The following SLC16A2 variants were observed in gnomAD, a reference collection of about 807,000 sequenced individuals.
SLC16A2 encodes the protein solute carrier family 16 member 2.
SLC16A2 carries 3 observed loss-of-function variants against 27.2 expected under a neutral mutation model. The observed-to-expected ratio is 0.11, with a 90% CI of 0.05 to 0.28. SLC16A2 has a LOEUF of 0.28. SLC16A2 is among the 10% of genes least tolerant of loss of function. The pLI is 1.00. For synonymous variants in SLC16A2, 202 were observed against 187.8 expected (o/e 1.08, Z -0.62); for missense variants, 295 against 458.5 (o/e 0.64, Z 3.26).
chrX:74,530,697 T>C (rs895366850), intron 5 of SLC16A2, among the ~76,000 whole-genome samples: 1 of 111,540 alleles, frequency 9.0e-6, no homozygotes, highest in Non-Finnish European at 1.9e-5. Context: ...AGGGCCTTTT[T>C]GCCTTTTCTG....
chrX:74,511,190 AT>A (rs373216154), intron 1 of SLC16A2, among the ~76,000 whole-genome samples: 4 of 108,926 alleles, frequency 3.7e-5, no homozygotes, highest in East Asian at 2.9e-4. Flanking sequence ...TATTTATTTT[AT>A]TTTTTTTTGA....
At chrX:74,423,685 C>G (rs1453718694) in intron 1 of SLC16A2, among the ~76,000 whole-genome samples, 2 of 112,011 alleles carry the variant, frequency 1.8e-5, no homozygotes, top group Non-Finnish European at 3.8e-5. Flanking sequence ...CCACAGTCAC[C>G]CCTGGGACCA....
intron 1 of SLC16A2, among the ~76,000 whole-genome samples, chrX:74,442,932 G>A (rs1928779217): frequency 8.9e-6 from 1 of 111,965 alleles, no homozygotes; most frequent in African/African-American, 3.2e-5. Flanking sequence ...ACTCCATCCT[G>A]GGCAATAGAG....
At chrX:74,520,599 G>T (rs928978987) in intron 1 of SLC16A2, among the ~76,000 whole-genome samples, 5 of 111,676 alleles carry the variant, frequency 4.5e-5, no homozygotes, top group African/African-American at 1.6e-4. Flanking sequence ...GGGGGCTTTT[G>T]TCTGTGGCCT....
In SLC16A2 at chrX:74,467,494, A is replaced by G. The variant is rs72630716; in HGVS notation, c.430+45427A>G. 3.0e-3 allele frequency among the ~76,000 whole-genome samples: 335 copies of G among 111,629 alleles called. 5 individuals carry two copies. In the East Asian group the frequency reaches 0.043, roughly 14 times the overall value. Reference sequence around the variant, plus strand: ...TTGTAGGCCCCTAGCACTCCCGCCCAAAGTATGTCTCAGAAACAGAAATGG... The same window carrying G: ...TTGTAGGCCCCTAGCACTCCCGCCCGAAGTATGTCTCAGAAACAGAAATGG... On this transcript the variant is annotated intron_variant, in intron 1 of 5. Transcript: ENST00000587091.
intron 1 of SLC16A2, among the ~76,000 whole-genome samples, chrX:74,497,585 T>G (rs940466235): frequency 9.2e-6 from 1 of 109,072 alleles, no homozygotes; most frequent in African/African-American, 3.3e-5. Flanking sequence ...AAATTGCATA[T>G]TGAAACTGGG....
intron 1 of SLC16A2, among the ~76,000 whole-genome samples, chrX:74,478,856 G>A (rs943545118): frequency 4.5e-5 from 5 of 112,110 alleles, no homozygotes; most frequent in Non-Finnish European, 9.4e-5. Flanking sequence ...TAGATCTGCT[G>A]TTAGTCTGAT....
intron 1 of SLC16A2, among the ~76,000 whole-genome samples, chrX:74,482,730 C>T (rs1929644976): frequency 9.1e-6 from 1 of 110,193 alleles, no homozygotes; most frequent in Non-Finnish European, 1.9e-5. Context: ...CAGGGTCTCT[C>T]TAGGTCACCC....
At chrX:74,519,459 G>T (rs1172061143) in intron 1 of SLC16A2, among the ~76,000 whole-genome samples, 1 of 102,979 alleles carries the variant, frequency 9.7e-6, no homozygotes, top group Non-Finnish European at 2.0e-5. Context: ...TTACAGGCGT[G>T]AGCCACCACG....
Position 74,421,818 on chromosome X carries a change from C to T in SLC16A2, c.181C>T (p.Pro61Ser). The change falls in exon 1 of 6, where the codon CCC becomes TCC. Residue 61 changes from proline to serine, a missense_variant. Around this residue, in one of 3 missense-constraint regions of SLC16A2, gnomAD observed 92 missense variants for 85.1 expected, o/e 1.08. Coordinates refer to ENST00000587091, the MANE Select transcript of SLC16A2 (RefSeq NM_006517.5). ...GCCGGAGCCCCAGCCCCTACCGGAC[C>T]CCGCACCCCTGCCGGAGCTGGAGTT... ...PQPEPQPLPD[P>S]APLPELEFES... is the part of the protein sequence containing the mutation. The T allele has an allele frequency of 8.5e-7, 1 of 1,180,320 alleles. No individual in the cohort carries two copies.
At chrX:74,487,001 C>G (rs1929733164) in intron 1 of SLC16A2, among the ~76,000 whole-genome samples, 1 of 112,110 alleles carries the variant, frequency 8.9e-6, no homozygotes, top group South Asian at 3.7e-4. Context: ...AATCATGCTA[C>G]TACGTTACAT....
chrX:74,501,596 C>T (rs375053459), intron 1 of SLC16A2, among the ~76,000 whole-genome samples: 3 of 111,325 alleles, frequency 2.7e-5, no homozygotes, highest in East Asian at 2.8e-4. Context: ...GTGGGCCCCC[C>T]CTCTGCTCCA....
intron 5 of SLC16A2, among the ~76,000 whole-genome samples, chrX:74,530,588 T>C (rs1459570155): frequency 4.5e-5 from 5 of 111,924 alleles, no homozygotes; most frequent in Admixed American, 9.5e-5. Context: ...ACACTACCCA[T>C]TGGGGGAAGG....
intron 1 of SLC16A2, among the ~76,000 whole-genome samples, chrX:74,464,718 T>C (rs1187979788): frequency 9.0e-6 from 1 of 111,261 alleles, no homozygotes; most frequent in Non-Finnish European, 1.9e-5. Context: ...CCCTAAAATA[T>C]TCAGTTTCAG....
intron 1 of SLC16A2, among the ~76,000 whole-genome samples, chrX:74,426,501 T>G (rs1043927901): frequency 1.8e-5 from 2 of 111,700 alleles, no homozygotes; most frequent in African/African-American, 6.5e-5. Flanking sequence ...ATTCTAAGTC[T>G]AAAAAAGCAA....
intron 2 of SLC16A2, among the ~76,000 whole-genome samples, chrX:74,523,507 T>C (rs1445084018): frequency 8.9e-6 from 1 of 112,281 alleles, no homozygotes; most frequent in Non-Finnish European, 1.9e-5. Flanking sequence ...CTGGCCAAGC[T>C]GACCTTCCTA....
intron 5 of SLC16A2, among the ~76,000 whole-genome samples, chrX:74,530,090 CTTTTTTTTTT>C (rs748919451): frequency 8.8e-5 from 6 of 67,928 alleles, no homozygotes; most frequent in Non-Finnish European, 1.5e-4. Context: ...TTTCTTTTCT[CTTTTTTTTTT>C]TTTTTTTTTT....
intron 1 of SLC16A2, among the ~76,000 whole-genome samples, chrX:74,444,224 T>C (rs879096278): frequency 2.7e-5 from 3 of 111,811 alleles, no homozygotes; most frequent in Non-Finnish European, 5.6e-5. Flanking sequence ...ATCCTCATGC[T>C]CTCTGTATTC....
chrX:74,433,901 C>A (rs1928575868), intron 1 of SLC16A2, among the ~76,000 whole-genome samples: 1 of 112,015 alleles, frequency 8.9e-6, no homozygotes, highest in South Asian at 3.7e-4. Flanking sequence ...TCTGAGTTTT[C>A]TCATACATAA....
Sources: gnomAD v4.1 joint callset for allele counts (sites outside exome capture counted in the v4.1 genomes callset) on GRCh38, gnomAD v4.1.1 for gene constraint, gnomAD v4.1.1 regional missense constraint, MANE v1.5 for transcripts, NCBI Gene and HGNC (gene_info 2026-07-23, HGNC 2026-07-21) for gene names.